Variants in SV2A observed in about 807,000 individuals in gnomAD.
SV2A encodes the protein synaptic vesicle glycoprotein 2A, also known as solute carrier family 22 member B1.
Under a neutral mutation model 78.0 loss-of-function variants are expected in SV2A, and 25 were observed. The observed-to-expected ratio is 0.32, with a 90% CI of 0.23 to 0.45. The LOEUF is 0.45. SV2A is among the 20% of genes least tolerant of loss of function. The probability of loss-of-function intolerance (pLI) is 1.00; values close to 1 mark genes in which losing one functional copy is unlikely to be tolerated. For missense variants in SV2A, 752 were observed against 971.5 expected (o/e 0.77, Z 3.00); for synonymous variants, 355 against 384.7 (o/e 0.92, Z 0.90).
intron 1 of SV2A, among the ~76,000 whole-genome samples, chr1:149,915,170 T>A (rs1571511458): frequency 6.6e-6 from 1 of 152,330 alleles, no homozygotes; most frequent in South Asian, 2.1e-4. Context: ...ATTGGGAGAC[T>A]GTTTCTTGGA....
In SV2A at chr1:149,910,639, G is replaced by A. The variant is rs782592416; in HGVS notation, c.1020C>T (p.Cys340=). The A allele has an allele frequency of 2.2e-4, 352 of 1,613,586 alleles. No homozygotes were observed. Among genetic ancestry groups the A allele is most frequent in the Non-Finnish European group, 2.8e-4 (325 of 1,179,832 alleles). ...FHSWRVFVLV[C]AFPSVFAIGA... ...CAATGGCAAACACAGAAGGAAAGGC[G>A]CAGACGAGGACGAAGACCCTCCAGC... The change falls in exon 5 of 13, where the codon TGC becomes TGT. Residue 340 remains cysteine, a synonymous_variant. Coordinates refer to ENST00000369146, the MANE Select transcript of SV2A (RefSeq NM_014849.5). This position sits in a 1 kb window ranked among gnomAD's most constrained non-coding sequence, Gnocchi z 4.2.
chr1:149,909,740 G>T lies in SV2A; in HGVS notation c.1179+61C>A, dbSNP rs2092463450. 2.5e-6 allele frequency: 4 copies of T among 1,576,228 alleles called. No homozygotes were observed. In the Admixed American group the frequency reaches 5.0e-5, roughly 20 times the overall value. ...CTGAGGTGGGGGGTACTCAGAGAGG[G>T]GCCAGGTAGGGGCTGGGGCTGCAGG... On this transcript the variant is annotated intron_variant, in intron 6 of 12. Coordinates refer to ENST00000369146, the MANE Select transcript of SV2A (RefSeq NM_014849.5).
intron 10 of SV2A, 86 bp from the exon 11 acceptor site, chr1:149,906,942 T>C (rs1330279266): frequency 1.7e-5 from 26 of 1,553,320 alleles, no homozygotes; most frequent in Non-Finnish European, 2.2e-5. Context: ...GCTCTGCATG[T>C]ATGAAAGTTA....
chr1:149,906,102 C>T (rs1553762703), intron 11 of SV2A, 63 bp from the exon 12 acceptor site: 2 of 1,578,316 alleles, frequency 1.3e-6, no homozygotes, highest in Non-Finnish European at 1.7e-6. Flanking sequence ...CCACAGCCCA[C>T]CCTGTCCCAT....
At chr1:149,906,939 A>C in intron 10 of SV2A, 83 bp from the exon 11 acceptor site, 3 of 1,562,298 alleles carry the variant, frequency 1.9e-6, no homozygotes, top group Non-Finnish European at 2.6e-6. Flanking sequence ...AGGGCTCTGC[A>C]TGTATGAAAG....
At position 149,909,241 on chromosome 1, in the gene SV2A, G is replaced by A. The variant is rs117711516; in HGVS notation, c.1330C>T (p.Arg444Trp). Residue 444 changes from arginine to tryptophan, a missense_variant, in exon 8 of 13, where the codon CGG becomes TGG. By Grantham distance (101) the Arg-to-Trp change is moderately radical. This residue lies in a region of SV2A where 136 missense variants were observed against 132.3 expected (regional missense o/e 1.03). Coordinates refer to ENST00000369146, the MANE Select transcript of SV2A (RefSeq NM_014849.5). ...CCCATCATCATCAGAGTGATGCGCCGATATTCGGGACCAAAACAGGAGAGA... is the reference window on the plus strand; with the variant it reads ...CCCATCATCATCAGAGTGATGCGCCAATATTCGGGACCAAAACAGGAGAGA... ...NFLSCFGPEY[R>W]RITLMMMGVW... is the part of the protein sequence containing the mutation. 43 of 1,613,948 alleles carry A rather than the reference G, an allele frequency of 2.7e-5. No homozygotes were observed. The highest frequency in any genetic ancestry group is 6.7e-5 in the East Asian group (3 of 44,870).
At chr1:149,916,713 A>G (rs2092516212) in intron 1 of SV2A, among the ~76,000 whole-genome samples, 1 of 151,998 alleles carries the variant, frequency 6.6e-6, no homozygotes, top group Non-Finnish European at 1.5e-5. Context: ...AAAAGCAATC[A>G]CTTATCAAAA....
At chr1:149,907,873 C>A (rs782519737) in intron 9 of SV2A, 40 bp from the exon 10 acceptor site, 10 of 1,604,040 alleles carry the variant, frequency 6.2e-6, no homozygotes, top group Non-Finnish European at 6.8e-6. Context: ...CCCCGTCATC[C>A]TCATGCCCCC....
Position 149,906,784 on chromosome 1 carries a change from G to T in SV2A, c.1751C>A (p.Pro584Gln). 3 of 1,614,160 alleles carry T rather than the reference G, an allele frequency of 1.9e-6. No homozygotes were observed. The highest frequency in any genetic ancestry group is 1.1e-5 in the South Asian group (1 of 91,074). Residue 584 changes from proline (P) to glutamine (Q), a missense_variant, in exon 11 of 13, where the codon CCG becomes CAG. Transcript: ENST00000369146. ...TTCGCCCGTCCCTGTCACGTCTAGC[G>T]GGCAGCCCTCCTTGTTGTGCAGGAA... Reference protein sequence around the residue: ...STFLHNKEGCPLDVTGTGEGA... With the variant: ...STFLHNKEGCQLDVTGTGEGA...
chr1:149,913,919 T>A lies in SV2A; in HGVS notation c.-79A>T. 2 of 1,514,554 alleles carry A rather than the reference T, an allele frequency of 1.3e-6. No individual in the cohort carries two copies. The highest frequency in any genetic ancestry group is 1.8e-6 in the Non-Finnish European group (2 of 1,135,156). 93.8% of individuals were successfully genotyped at this position (1,514,554 alleles called of 1,614,324 possible). A position where few individuals can be genotyped will look rare whatever the true frequency, so the allele number is the denominator to read the frequency against. On this transcript the variant is annotated 5_prime_UTR_variant, in exon 2 of 13. Coordinates refer to ENST00000369146, the MANE Select transcript of SV2A (RefSeq NM_014849.5). ...GCTTTTTGCTCAAGGACTTGTAGAG[T>A]CAAAAAGACCCCTCCCCACAGTTAC...
At position 149,908,033 on chromosome 1, in the gene SV2A, C is replaced by G; in HGVS notation, c.1544+9G>C. 6.2e-7 allele frequency: 1 copy of G among 1,612,974 alleles called. No homozygotes were observed. The highest frequency in any genetic ancestry group is 8.5e-7 in the Non-Finnish European group (1 of 1,179,204). ...AGGGAAGAAGTGAAGTTTAAAAGTC[C>G]CCACATACTTGTCATTGAAGTACTG... On this transcript the variant is annotated intron_variant, in intron 9 of 12. Transcript: ENST00000369146.
intron 11 of SV2A, among the ~76,000 whole-genome samples, 183 bp downstream of exon 11, chr1:149,906,467 C>T (rs1203845007): frequency 6.6e-6 from 1 of 152,148 alleles, no homozygotes; most frequent in African/African-American, 2.4e-5. Flanking sequence ...TGCTTACCTC[C>T]TTTACCCCCA....
rs1030557307 is a variant in SV2A, at chr1:149,909,847, T to C, written c.1133A>G (p.His378Arg). ...TCCTTTGGCTCGCATGTTGGTATCA[T>C]GGACCTGCTTCAGCACCATCCAGGC... ...DEAWMVLKQV[H>R]DTNMRAKGHP... Residue 378 changes from histidine (H) to arginine (R), a missense_variant, in exon 6 of 13, where the codon CAT becomes CGT. His to Arg is a conservative substitution (Grantham distance 29, BLOSUM62 0). This residue lies in a region of SV2A where 136 missense variants were observed against 132.3 expected (regional missense o/e 1.03). Transcript: ENST00000369146. The C allele has an allele frequency of 1.2e-6, 2 of 1,614,096 alleles. No homozygotes were observed. The highest frequency in any genetic ancestry group is 1.7e-6 in the Non-Finnish European group (2 of 1,180,014).
Position 149,911,823 on chromosome 1 carries a change from G to A in SV2A, c.780C>T (p.Phe260=). 1 of 1,614,168 alleles carries A rather than the reference G, an allele frequency of 6.2e-7. No individual in the cohort carries two copies. The highest frequency in any genetic ancestry group is 8.5e-7 in the Non-Finnish European group (1 of 1,180,012). Residue 260 remains phenylalanine, a synonymous_variant, in exon 3 of 13, where the codon TTC becomes TTT. Transcript: ENST00000369146. The part of the protein sequence containing the change: ...SFVQGYGTFL[F]CRLLSGVGIG... The stretch of plus-strand genomic sequence containing the variant: ...ACCCAACCCCAGAAAGTAGGCGGCA[G>A]AAGAGGAAAGTGCCGTAACCCTGGA...
chr1:149,911,016 C>T, intron 3 of SV2A, 39 bp from the exon 4 acceptor site: 4 of 1,598,344 alleles, frequency 2.5e-6, no homozygotes, highest in Non-Finnish European at 2.6e-6. Context: ...AGCAAATGGC[C>T]ATAGTCCTGA....
rs587723820 is a variant in SV2A, at chr1:149,904,531, A to G, written c.*483T>C. ...TATTGCTTCTCCCCCAGCATCCAAC[A>G]GGAGATGTGAGAGGGCACCCGAGGC... is the stretch of plus-strand genomic sequence containing the variant. On this transcript the variant is annotated 3_prime_UTR_variant, in exon 13 of 13. Transcript: ENST00000369146. 6.5e-6 allele frequency: 1 copy of G among 153,430 alleles called. No homozygotes were observed. Among genetic ancestry groups the G allele is most frequent in the African/African-American group, 2.4e-5 (1 of 41,614 alleles). The allele number at this position is 153,430 out of a possible 1,614,324, so 9.5% of individuals were successfully genotyped here.
Position 149,910,027 on chromosome 1 carries a change from C to CATAGGTCAGGGCTTGG in SV2A, c.1090-138_1090-137insCCAAGCCCTGACCTAT. 1.3e-6 allele frequency: 1 copy of CATAGGTCAGGGCTTGG among 764,546 alleles called. No individual in the cohort carries two copies. Among genetic ancestry groups the CATAGGTCAGGGCTTGG allele is most frequent in the Non-Finnish European group, 2.2e-6 (1 of 451,668 alleles). 47.4% of individuals were successfully genotyped at this position (764,546 alleles called of 1,614,324 possible). Reference sequence around the variant, plus strand: ...CAGCCCTCAACCCCACCACCAAGCCCTGACCTATGGGCATGCACTCACCAC... The same window carrying CATAGGTCAGGGCTTGG: ...CAGCCCTCAACCCCACCACCAAGCCCATAGGTCAGGGCTTGGTGACCTATGGGCATGCACTCACCAC... On this transcript the variant is annotated intron_variant, in intron 5 of 12. Coordinates refer to ENST00000369146, the MANE Select transcript of SV2A (RefSeq NM_014849.5). This position sits in a 1 kb window ranked among gnomAD's most constrained non-coding sequence, Gnocchi z 4.2.
Position 149,909,518 on chromosome 1 carries a change from C to T in SV2A, c.1233G>A (p.Ser411=), listed in dbSNP as rs373763552. ...HQEDELIEIQ[S]DTGTWYQRWG... ...AGCGCTGGTACCAGGTCCCTGTGTC[C>T]GACTGGATCTCAATCAATTCATCCT... The change falls in exon 7 of 13, where the codon TCG becomes TCA. Residue 411 remains serine (S), a synonymous_variant. Coordinates refer to ENST00000369146, the MANE Select transcript of SV2A (RefSeq NM_014849.5). 3.5e-5 allele frequency: 56 copies of T among 1,613,938 alleles called. No individual in the cohort carries two copies. Among genetic ancestry groups the T allele is most frequent in the Admixed American group, 1.2e-4 (7 of 59,990 alleles).
rs941717454 is a variant in SV2A, at chr1:149,903,414, G to A, written c.*1600C>T. Reference sequence around the variant, plus strand: ...GAGTTGGGTTTAGGGTTCCCCAGGAGAGCAAGGGAGATGGATGGGTCCCTC... The same window carrying A: ...GAGTTGGGTTTAGGGTTCCCCAGGAAAGCAAGGGAGATGGATGGGTCCCTC... On this transcript the variant is annotated 3_prime_UTR_variant, in exon 13 of 13. Transcript: ENST00000369146. 1 of 152,286 alleles carries A rather than the reference G, an allele frequency of 6.6e-6. No homozygotes were observed. The highest frequency in any genetic ancestry group is 1.9e-4 in the East Asian group (1 of 5,194). 9.4% of individuals were successfully genotyped at this position (152,286 alleles called of 1,614,324 possible).
Sources: gnomAD v4.1 joint callset for allele counts (sites outside exome capture counted in the v4.1 genomes callset) on GRCh38, gnomAD v4.1.1 for gene constraint, gnomAD v4.1.1 regional missense constraint, Gnocchi (gnomAD v3.1) non-coding constraint, MANE v1.5 for transcripts, NCBI Gene and HGNC (gene_info 2026-07-23, HGNC 2026-07-21) for gene names.